Variants in IL1RAPL2 observed in about 807,000 individuals in gnomAD.
IL1RAPL2 encodes X-linked interleukin-1 receptor accessory protein-like 2.
A neutral mutation model predicts 44.1 loss-of-function variants in IL1RAPL2; 3 were observed. The observed-to-expected ratio is 0.07, with a 90% confidence interval of 0.03 to 0.18. IL1RAPL2 has a LOEUF of 0.18. Among genes scored for constraint, IL1RAPL2 ranks in the 10% least tolerant of loss-of-function variants. The pLI, the probability that IL1RAPL2 is intolerant of heterozygous loss-of-function variation, is 1.00. For synonymous variants in IL1RAPL2, 181 were observed against 178.8 expected, an observed-to-expected ratio of 1.01 and a Z score of -0.10; for missense variants, 391 against 496.4, an observed-to-expected ratio of 0.79 and a Z score of 2.02.
chrX:104,979,897 C>A (rs1235925941), intron 2 of IL1RAPL2, among the ~76,000 whole-genome samples: 1 of 111,586 alleles, frequency 9.0e-6, no homozygotes, highest in Non-Finnish European at 1.9e-5. Flanking sequence ...AGGGATGCTG[C>A]CAAACATTCT....
At chrX:104,595,870 T>A (rs1421636715) in intron 1 of IL1RAPL2, among the ~76,000 whole-genome samples, 1 of 110,697 alleles carries the variant, frequency 9.0e-6, no homozygotes, top group African/African-American at 3.3e-5. Context: ...GATCCTTGTC[T>A]ACACAACTAA....
At chrX:104,570,422 C>T (rs1182240519) in intron 1 of IL1RAPL2, among the ~76,000 whole-genome samples, 2 of 111,894 alleles carry the variant, frequency 1.8e-5, no homozygotes, top group Middle Eastern at 4.6e-3. Context: ...CATGGTGGCT[C>T]ACATCTGTAA....
chrX:105,629,657 C>CA (rs1296941084), intron 6 of IL1RAPL2, among the ~76,000 whole-genome samples: 4 of 111,450 alleles, frequency 3.6e-5, no homozygotes, highest in South Asian at 3.8e-4. Flanking sequence ...GGGATACACA[C>CA]AAAAAAACCC....
At chrX:105,067,764 C>T (rs1366382780) in intron 2 of IL1RAPL2, among the ~76,000 whole-genome samples, 3 of 111,961 alleles carry the variant, frequency 2.7e-5, no homozygotes, top group African/African-American at 9.8e-5. Context: ...AGGCAAAATA[C>T]CTGCAGAGAC....
At chrX:105,211,587 A>C (rs1422193379) in intron 3 of IL1RAPL2, among the ~76,000 whole-genome samples, 9 of 109,822 alleles carry the variant, frequency 8.2e-5, no homozygotes, top group African/African-American at 3.0e-4. Context: ...CCCTGATGCA[A>C]CTCCCCAGCT....
intron 2 of IL1RAPL2, among the ~76,000 whole-genome samples, chrX:104,808,411 G>A (rs756551244): frequency 1.3e-4 from 14 of 111,837 alleles, no homozygotes. Context: ...GTCAGTTGTG[G>A]AAGGCCACTT....
At chrX:105,734,402 AAAAAG>A (rs980680455) in intron 7 of IL1RAPL2, among the ~76,000 whole-genome samples, 6 of 110,615 alleles carry the variant, frequency 5.4e-5, no homozygotes, top group African/African-American at 1.3e-4. Context: ...AAGCTTTTAA[AAAAAG>A]AAAAGAAAAG....
At chrX:105,076,637 G>C (rs777295753) in intron 2 of IL1RAPL2, among the ~76,000 whole-genome samples, 3 of 111,378 alleles carry the variant, frequency 2.7e-5, no homozygotes, top group East Asian at 2.8e-4. Flanking sequence ...AATGTTGACA[G>C]TGGGGTGTTA....
intron 5 of IL1RAPL2, among the ~76,000 whole-genome samples, chrX:105,340,123 A>G (rs1001811190): frequency 1.8e-5 from 2 of 111,594 alleles, no homozygotes; most frequent in African/African-American, 6.5e-5. Context: ...AGTCTAATAA[A>G]CACCTCAAAT....
At chrX:104,996,182 T>A (rs2030744770) in intron 2 of IL1RAPL2, among the ~76,000 whole-genome samples, 1 of 111,932 alleles carries the variant, frequency 8.9e-6, no homozygotes, top group Non-Finnish European at 1.9e-5. Context: ...CTAGCCTCAA[T>A]GCCAGTGTGA....
chrX:105,123,121 A>G (rs1229374575), intron 2 of IL1RAPL2, among the ~76,000 whole-genome samples: 1 of 111,148 alleles, frequency 9.0e-6, no homozygotes, highest in East Asian at 2.8e-4. Context: ...GGTGAAAAGG[A>G]TATAGGATTA....
At chrX:105,114,344 C>G (rs1387364853) in intron 2 of IL1RAPL2, among the ~76,000 whole-genome samples, 2 of 111,883 alleles carry the variant, frequency 1.8e-5, no homozygotes, top group Non-Finnish European at 3.8e-5. Context: ...TATGAGCTAC[C>G]CAGTTTATGG....
At chrX:105,479,479 C>A (rs1242652616) in intron 5 of IL1RAPL2, among the ~76,000 whole-genome samples, 1 of 110,911 alleles carries the variant, frequency 9.0e-6, no homozygotes. Context: ...GTGGCTCACA[C>A]CTGTAATCCC....
intron 2 of IL1RAPL2, among the ~76,000 whole-genome samples, chrX:105,181,612 G>A (rs1313337898): frequency 1.8e-5 from 2 of 111,692 alleles, no homozygotes; most frequent in Non-Finnish European, 1.9e-5. Flanking sequence ...TCATGCATTT[G>A]TACAACTTCC....
intron 2 of IL1RAPL2, among the ~76,000 whole-genome samples, chrX:104,660,717 G>T (rs1161827651): frequency 1.9e-5 from 2 of 104,598 alleles, no homozygotes; most frequent in African/African-American, 7.0e-5. Flanking sequence ...TGGGTGGATT[G>T]CTTGTGCTAA....
intron 2 of IL1RAPL2, among the ~76,000 whole-genome samples, chrX:104,896,776 C>T (rs1046442971): frequency 9.0e-6 from 1 of 111,244 alleles, no homozygotes; most frequent in Non-Finnish European, 1.9e-5. Flanking sequence ...CTTGCTGCTC[C>T]TCACTCTTTG....
intron 6 of IL1RAPL2, among the ~76,000 whole-genome samples, chrX:105,665,397 A>G (rs1201519010): frequency 1.8e-5 from 2 of 109,945 alleles, no homozygotes; most frequent in Non-Finnish European, 3.8e-5. Flanking sequence ...CCACCTTAAC[A>G]AAGCATCTTA....
intron 6 of IL1RAPL2, among the ~76,000 whole-genome samples, chrX:105,562,969 C>A (rs12850418): frequency 0.32 from 34,877 of 110,645 alleles, 4,177 homozygotes; most frequent in Middle Eastern, 0.39. Flanking sequence ...CAAAAATAAC[C>A]AAGTACAGAT....
chrX:104,769,154 C>T (rs923120215), intron 2 of IL1RAPL2, among the ~76,000 whole-genome samples: 1 of 111,545 alleles, frequency 9.0e-6, no homozygotes, highest in Non-Finnish European at 1.9e-5. Flanking sequence ...CTATGGGCCC[C>T]TTATCACCTA....
Sources: allele counts gnomAD v4.1 joint callset (sites outside exome capture counted in the v4.1 genomes callset), GRCh38; gene constraint gnomAD v4.1.1; transcripts MANE v1.5; gene names NCBI Gene and HGNC (gene_info 2026-07-23, HGNC 2026-07-21).